Variants in CAP2 observed in about 807,000 individuals in gnomAD.
The protein encoded by CAP2 is cyclase associated actin cytoskeleton regulatory protein 2.
CAP2 carries 24 observed loss-of-function variants against 57.7 expected under a neutral mutation model. That is an observed-to-expected ratio of 0.42 (90% CI 0.30 to 0.58). The LOEUF is 0.58. Among genes scored for constraint, CAP2 ranks in the 20% least tolerant of loss-of-function variants. CAP2 has a pLI of 0.22. For synonymous variants in CAP2, 194 were observed against 207.2 expected (o/e 0.94, Z 0.55); for missense variants, 501 against 590.3 (o/e 0.85, Z 1.57).
intron 3 of CAP2, among the ~76,000 whole-genome samples, chr6:17,445,013 C>T (rs1307879843): frequency 6.6e-6 from 1 of 152,178 alleles, no homozygotes; most frequent in African/African-American, 2.4e-5. Context: ...TGAAAATTCA[C>T]CAATATATTG....
chr6:17,551,753 A>T (rs1763176164), intron 12 of CAP2, 149 bp downstream of exon 12: 2 of 604,976 alleles, frequency 3.3e-6, no homozygotes. Flanking sequence ...TGTCTTCCAC[A>T]TCTCTTCCCG....
At chr6:17,434,926 A>T (rs867998156) in intron 3 of CAP2, among the ~76,000 whole-genome samples, 11 of 147,406 alleles carry the variant, frequency 7.5e-5, no homozygotes, top group Middle Eastern at 6.8e-3. Context: ...AAACACATGA[A>T]GAAATGCTCA....
At chr6:17,418,054 C>T (rs1019696003) in intron 1 of CAP2, among the ~76,000 whole-genome samples, 6 of 152,120 alleles carry the variant, frequency 3.9e-5, no homozygotes, top group South Asian at 2.1e-4. Context: ...GATGGGACTG[C>T]CTGGGAAGAA....
At chr6:17,507,823 G>A in intron 6 of CAP2, 97 bp downstream of exon 6, 5 of 691,262 alleles carry the variant, frequency 7.2e-6, no homozygotes, top group African/African-American at 1.8e-5. Flanking sequence ...TCCTTTCCAA[G>A]GCTCTACACT....
intron 4 of CAP2, among the ~76,000 whole-genome samples, chr6:17,480,381 G>T (rs995627879): frequency 6.6e-6 from 1 of 152,172 alleles, no homozygotes; most frequent in Non-Finnish European, 1.5e-5. Flanking sequence ...ATTTTAACAG[G>T]TGTAGTGTAT....
intron 3 of CAP2, among the ~76,000 whole-genome samples, chr6:17,433,310 A>G (rs1424067322): frequency 6.6e-6 from 1 of 152,248 alleles, no homozygotes; most frequent in Non-Finnish European, 1.5e-5. Context: ...TCCTTGTGGT[A>G]TAGACAAACA....
intron 1 of CAP2, among the ~76,000 whole-genome samples, chr6:17,408,650 T>A (rs1244583519): frequency 2.0e-5 from 3 of 149,458 alleles, no homozygotes; most frequent in Non-Finnish European, 4.4e-5. Context: ...CTATATGAAA[T>A]GATAGCCTCC....
intron 7 of CAP2, among the ~76,000 whole-genome samples, chr6:17,514,501 G>C (rs1762225992): frequency 6.6e-6 from 1 of 152,182 alleles, no homozygotes; most frequent in African/African-American, 2.4e-5. Context: ...TGTAATCCCA[G>C]CACTTTGGGA....
intron 7 of CAP2, chr6:17,531,449 A>G (rs1027241531): frequency 1.6e-5 from 25 of 1,528,544 alleles, no homozygotes; most frequent in Non-Finnish European, 1.9e-5. Context: ...AGTTCTGTAC[A>G]TCTGCCTATA....
At chr6:17,465,784 A>G (rs554694896) in intron 4 of CAP2, among the ~76,000 whole-genome samples, 1 of 152,316 alleles carries the variant, frequency 6.6e-6, no homozygotes, top group South Asian at 2.1e-4. Context: ...TGTAATTTAT[A>G]TAGCATTTTC....
At chr6:17,483,617 A>G (rs148678476) in intron 4 of CAP2, among the ~76,000 whole-genome samples, 52 of 152,332 alleles carry the variant, frequency 3.4e-4, no homozygotes, top group African/African-American at 1.3e-3. Flanking sequence ...ACTGGTTCCT[A>G]AAGGAAAGGT....
intron 1 of CAP2, among the ~76,000 whole-genome samples, chr6:17,394,933 A>T (rs17326454): frequency 0.01 from 1,527 of 152,350 alleles, 16 homozygotes; most frequent in Non-Finnish European, 0.014. Context: ...TTAATTCAGT[A>T]CCTTAAGTGT....
chr6:17,483,689 A>T (rs1241760038), intron 4 of CAP2, among the ~76,000 whole-genome samples: 1 of 152,180 alleles, frequency 6.6e-6, no homozygotes, highest in Non-Finnish European at 1.5e-5. Context: ...GAATTCTCAC[A>T]TGCCCAGCTC....
chr6:17,488,878 G>A lies in CAP2; in HGVS notation c.301-18291G>A, dbSNP rs549526816. The stretch of plus-strand genomic sequence containing the variant: ...ATGGTGCACCTGCTGCTTCATATCT[G>A]TTCCACGAGGTGGATATTCTCTCAG... On this transcript the variant is annotated intron_variant, in intron 4 of 12. Transcript: ENST00000229922. Among the ~76,000 whole-genome samples, 12 of 152,250 alleles carry A rather than the reference G, an allele frequency of 7.9e-5. No homozygotes were observed. In the South Asian group the frequency reaches 2.5e-3, roughly 32 times the overall value.
chr6:17,452,045 T>C (rs1467043414), intron 3 of CAP2, among the ~76,000 whole-genome samples: 1 of 152,186 alleles, frequency 6.6e-6, no homozygotes, highest in Non-Finnish European at 1.5e-5. Flanking sequence ...AAAAACCCAA[T>C]CATTGTACAG....
chr6:17,467,575 G>A (rs1254607255), intron 4 of CAP2, among the ~76,000 whole-genome samples: 1 of 152,152 alleles, frequency 6.6e-6, no homozygotes, highest in Non-Finnish European at 1.5e-5. Flanking sequence ...CCAGGCTGGA[G>A]TGCAGTGGCG....
At chr6:17,426,800 C>G (rs1015025617) in intron 3 of CAP2, 110 bp downstream of exon 3, 14 of 741,374 alleles carry the variant, frequency 1.9e-5, no homozygotes, top group Admixed American at 6.9e-5. Flanking sequence ...AGTTTTTACT[C>G]TGGCTAGGCA....
intron 4 of CAP2, among the ~76,000 whole-genome samples, chr6:17,471,830 CA>C (rs10546732): frequency 0.47 from 63,565 of 134,830 alleles, 14,990 homozygotes; most frequent in East Asian, 0.76. Context: ...GACTCCGTCT[CA>C]AAAAAAAAAA....
chr6:17,488,226 A>G (rs1262752471), intron 4 of CAP2, among the ~76,000 whole-genome samples: 1 of 152,200 alleles, frequency 6.6e-6, no homozygotes, highest in Non-Finnish European at 1.5e-5. Flanking sequence ...ACTCCATGCC[A>G]TTCAGGAAAA....
Sources: gnomAD v4.1 joint callset for allele counts (sites outside exome capture counted in the v4.1 genomes callset) on GRCh38, gnomAD v4.1.1 for gene constraint, MANE v1.5 for transcripts, NCBI Gene and HGNC (gene_info 2026-07-23, HGNC 2026-07-21) for gene names.